USP6NL: variants seen among roughly 807,000 people sequenced by gnomAD.
USP6NL encodes USP6 N-terminal like, also known as USP6 N-terminal-like protein.
USP6NL carries 26 observed loss-of-function variants against 61.9 expected under a neutral mutation model. That is an observed-to-expected ratio of 0.42 (90% CI 0.31 to 0.58). The LOEUF is 0.58. Ranked by LOEUF, USP6NL falls within the 20% of genes least tolerant of loss-of-function variation. USP6NL has a pLI of 0.16. For missense variants in USP6NL, 1,114 were observed against 1,034.3 expected (o/e 1.08, Z -1.06); for synonymous variants, 432 against 390.1 (o/e 1.11, Z -1.27).
In USP6NL at chr10:11,499,042, G is replaced by C. The variant is rs1425355699; in HGVS notation, c.384+2059C>G. On this transcript the variant is annotated intron_variant, in intron 7 of 14. Transcript: ENST00000609104. This position sits in a 1 kb window ranked among gnomAD's most constrained non-coding sequence, Gnocchi z 4.5. Reference sequence around the variant, plus strand: ...CAAGAAAGGACAAACAGGCCACCAGGGGAACTTGAAGGACTGAATGCTGAT... The same window carrying C: ...CAAGAAAGGACAAACAGGCCACCAGCGGAACTTGAAGGACTGAATGCTGAT... Among the ~76,000 whole-genome samples, 1 of 152,102 alleles carries C rather than the reference G, an allele frequency of 6.6e-6. No individual in the cohort carries two copies. Among genetic ancestry groups the C allele is most frequent in the Non-Finnish European group, 1.5e-5 (1 of 68,026 alleles).
chr10:11,590,472 G>A (rs533044243), intron 2 of USP6NL, among the ~76,000 whole-genome samples: 29 of 152,296 alleles, frequency 1.9e-4, no homozygotes, highest in African/African-American at 6.7e-4. Context: ...TGTTACTTAT[G>A]TGGAATTTTA....
rs143713170 is a variant in USP6NL, at chr10:11,565,942, C to T, written c.4+31689G>A. Among the ~76,000 whole-genome samples, 100 of 152,266 alleles carry T rather than the reference C, an allele frequency of 6.6e-4. 1 individual carries two copies. In the Middle Eastern group the frequency reaches 0.01, roughly 16 times the overall value. On this transcript the variant is annotated intron_variant, in intron 2 of 14. Coordinates refer to ENST00000609104, the MANE Select transcript of USP6NL (RefSeq NM_014688.5). ...ATATTGAAGATTCTTACTCTTCAAC[C>T]AGCATATGTCCAGCATTTATCATAT...
chr10:11,576,627 C>A (rs1371114687), intron 2 of USP6NL, among the ~76,000 whole-genome samples: 1 of 152,226 alleles, frequency 6.6e-6, no homozygotes, highest in Non-Finnish European at 1.5e-5. Context: ...TCTTGGACTT[C>A]CCAGCCTCCA....
At chr10:11,503,634 T>G (rs1467229568) in intron 6 of USP6NL, among the ~76,000 whole-genome samples, 1 of 152,214 alleles carries the variant, frequency 6.6e-6, no homozygotes, top group Non-Finnish European at 1.5e-5. Flanking sequence ...CACAAGAAAC[T>G]ATTTTAAGCA....
chr10:11,483,377 G>A (rs61847861), intron 13 of USP6NL, among the ~76,000 whole-genome samples: 33,636 of 148,008 alleles, frequency 0.23, 4,370 homozygotes, highest in East Asian at 0.59. Context: ...CTACAAAGAA[G>A]TATGTTTCTA....
Position 11,490,979 on chromosome 10 carries a change from T to C in USP6NL, c.495-99A>G, listed in dbSNP as rs1443128274. ...AAACCAAAGACTGACTGAAAACAGA[T>C]AATCCAGATAAAATTACTAATGTAA... On this transcript the variant is annotated intron_variant, in intron 8 of 14. Coordinates refer to ENST00000609104, the MANE Select transcript of USP6NL (RefSeq NM_014688.5). This position sits in a 1 kb window ranked among gnomAD's most constrained non-coding sequence, Gnocchi z 4.5. 2.9e-6 allele frequency: 3 copies of C among 1,035,190 alleles called. No individual in the cohort carries two copies. In the South Asian group the frequency reaches 5.4e-5, roughly 19 times the overall value. The allele number at this position is 1,035,190 out of a possible 1,614,324, so 64.1% of individuals were successfully genotyped here. A position where few individuals can be genotyped will look rare whatever the true frequency, so the allele number is the denominator to read the frequency against.
chr10:11,600,757 CAG>C lies in USP6NL; in HGVS notation c.-83-3042_-83-3041del, dbSNP rs2133677867. ...GGCCGAGGCGGGTGGATCACGAGGT[CAG>C]GAGTTCAAGACCAGCCTGGCCAACA... On this transcript the variant is annotated intron_variant, in intron 1 of 14. Transcript: ENST00000609104. This position sits in a 1 kb window ranked among gnomAD's most constrained non-coding sequence, Gnocchi z 4.1. 6.6e-6 allele frequency among the ~76,000 whole-genome samples: 1 copy of C among 152,216 alleles called. No homozygotes were observed. The highest frequency in any genetic ancestry group is 1.5e-5 in the Non-Finnish European group (1 of 67,996).
rs1262768870 is a variant in USP6NL at position 11,598,084 on chromosome 10, T to A, written c.-83-367A>T. On this transcript the variant is annotated intron_variant, in intron 1 of 14. Coordinates refer to ENST00000609104, the MANE Select transcript of USP6NL (RefSeq NM_014688.5). This position sits in a 1 kb window ranked among gnomAD's most constrained non-coding sequence, Gnocchi z 4.7. ...GGGTAAATACAGCCCACATCATCCC[T>A]GCTGAGTATATTTTGACTGCACATA... is the stretch of plus-strand genomic sequence containing the variant. 1.3e-5 allele frequency among the ~76,000 whole-genome samples: 2 copies of A among 152,214 alleles called. No individual in the cohort carries two copies. The highest frequency in any genetic ancestry group is 4.8e-5 in the African/African-American group (2 of 41,462).
rs1837478269 is a variant in USP6NL at position 11,574,672 on chromosome 10, T to A, written c.4+22959A>T. Among the ~76,000 whole-genome samples the A allele has an allele frequency of 6.6e-6, 1 of 152,168 alleles. No homozygotes were observed. Among genetic ancestry groups the A allele is most frequent in the African/African-American group, 2.4e-5 (1 of 41,440 alleles). On this transcript the variant is annotated intron_variant, in intron 2 of 14. Coordinates refer to ENST00000609104, the MANE Select transcript of USP6NL (RefSeq NM_014688.5). This position sits in a 1 kb window ranked among gnomAD's most constrained non-coding sequence, Gnocchi z 4.3. ...TTGTTCCTCTTACTGTACTGCCAAT[T>A]TTCCTCTCCTATTTTTCTTTCCTTC...
chr10:11,534,609 C>A (rs1460182774), intron 2 of USP6NL, among the ~76,000 whole-genome samples: 1 of 152,148 alleles, frequency 6.6e-6, no homozygotes, highest in Non-Finnish European at 1.5e-5. Context: ...TATTAGAAAT[C>A]TGAAGACAAG....
chr10:11,487,140 C>T lies in USP6NL; in HGVS notation c.665-1229G>A, dbSNP rs986831442. ...AAATTTTCAAGAAAAGTCTAATTTT[C>T]GAAAAGTCAATACAGTTCAGTAATA... is the stretch of plus-strand genomic sequence containing the variant. On this transcript the variant is annotated intron_variant, in intron 10 of 14. Coordinates refer to ENST00000609104, the MANE Select transcript of USP6NL (RefSeq NM_014688.5). The surrounding 1 kb of genome is among the most constrained non-coding windows in gnomAD (Gnocchi z 4.2). Among the ~76,000 whole-genome samples, 58 of 151,762 alleles carry T rather than the reference C, an allele frequency of 3.8e-4. No homozygotes were observed. Among genetic ancestry groups the T allele is most frequent in the Admixed American group, 3.3e-3 (51 of 15,240 alleles).
In USP6NL at chr10:11,491,854, A is replaced by G. The variant is rs942425700; in HGVS notation, c.495-974T>C. ...TGAGTGCTTGCTGAGGGCAAAGGGAATATGGAATGGGCAGTGAAACGTGGC... is the reference window on the plus strand; with the variant it reads ...TGAGTGCTTGCTGAGGGCAAAGGGAGTATGGAATGGGCAGTGAAACGTGGC... On this transcript the variant is annotated intron_variant, in intron 8 of 14. Coordinates refer to ENST00000609104, the MANE Select transcript of USP6NL (RefSeq NM_014688.5). This position sits in a 1 kb window ranked among gnomAD's most constrained non-coding sequence, Gnocchi z 4.7. Among the ~76,000 whole-genome samples, 7 of 152,238 alleles carry G rather than the reference A, an allele frequency of 4.6e-5. No individual in the cohort carries two copies. The highest frequency in any genetic ancestry group is 1.7e-4 in the African/African-American group (7 of 41,474).
chr10:11,611,112 G>C lies in USP6NL; in HGVS notation c.-84+331C>G, dbSNP rs1377043941. Among the ~76,000 whole-genome samples, 9 of 152,124 alleles carry C rather than the reference G, an allele frequency of 5.9e-5. No individual in the cohort carries two copies. Among genetic ancestry groups the C allele is most frequent in the Non-Finnish European group, 1.3e-4 (9 of 67,998 alleles). ...AGACGCGACCGAAACTTGCGAGGGAGACGCGCCTGGCCGGGATCGCGGCTC... is the reference window on the plus strand; with the variant it reads ...AGACGCGACCGAAACTTGCGAGGGACACGCGCCTGGCCGGGATCGCGGCTC... On this transcript the variant is annotated intron_variant, in intron 1 of 14. Transcript: ENST00000609104. This position sits in a 1 kb window ranked among gnomAD's most constrained non-coding sequence, Gnocchi z 5.3.
rs550980091 is a variant in USP6NL, at chr10:11,524,269, A to C, written c.155+1117T>G. On this transcript the variant is annotated intron_variant, in intron 4 of 14. Coordinates refer to ENST00000609104, the MANE Select transcript of USP6NL (RefSeq NM_014688.5). Reference sequence around the variant, plus strand: ...AACTACTCAGAAGAACATTTCAGATAGCTAATGTCATTAGGTATAATAACA... The same window carrying C: ...AACTACTCAGAAGAACATTTCAGATCGCTAATGTCATTAGGTATAATAACA... 3.5e-4 allele frequency among the ~76,000 whole-genome samples: 53 copies of C among 152,350 alleles called. No individual in the cohort carries two copies. The South Asian group carries it at 0.011, about 32-fold the overall frequency.
intron 2 of USP6NL, among the ~76,000 whole-genome samples, chr10:11,541,098 T>C (rs892545736): frequency 1.3e-5 from 2 of 151,704 alleles, no homozygotes; most frequent in Non-Finnish European, 2.9e-5. Flanking sequence ...CTGCGTTATA[T>C]GTATCTCATG....
chr10:11,493,918 C>T (rs1833806731), intron 7 of USP6NL, among the ~76,000 whole-genome samples: 1 of 152,208 alleles, frequency 6.6e-6, no homozygotes, highest in South Asian at 2.1e-4. Flanking sequence ...TGCTGCACAG[C>T]TCAGGTCTTG....
intron 1 of USP6NL, among the ~76,000 whole-genome samples, chr10:11,609,805 G>A (rs926467095): frequency 6.6e-6 from 1 of 152,178 alleles, no homozygotes; most frequent in Non-Finnish European, 1.5e-5. Flanking sequence ...TAACGCCAGA[G>A]GATGATCAAT....
chr10:11,505,968 A>G (rs936550608), intron 6 of USP6NL, among the ~76,000 whole-genome samples: 2 of 152,196 alleles, frequency 1.3e-5, no homozygotes, highest in Admixed American at 1.3e-4. Context: ...TGCATCTAAA[A>G]AAGTTTTAAA....
At chr10:11,605,724 T>TA (rs1419738058) in intron 1 of USP6NL, among the ~76,000 whole-genome samples, 1 of 151,980 alleles carries the variant, frequency 6.6e-6, no homozygotes, top group Non-Finnish European at 1.5e-5. Flanking sequence ...AACCAAAATT[T>TA]AAAACCCAGG....
Sources: allele counts gnomAD v4.1 joint callset (sites outside exome capture counted in the v4.1 genomes callset), GRCh38; gene constraint gnomAD v4.1.1; non-coding constraint Gnocchi (gnomAD v3.1); transcripts MANE v1.5; gene names NCBI Gene and HGNC (gene_info 2026-07-23, HGNC 2026-07-21).